The following NGF variants were observed in gnomAD, a reference collection of about 807,000 sequenced individuals.
NGF encodes nerve growth factor.
In NGF, 4 loss-of-function variants were observed where a neutral mutation model predicts 12.8. That is an observed-to-expected ratio of 0.31 (90% confidence interval 0.15 to 0.72). The LOEUF (loss-of-function observed/expected upper bound fraction) is 0.72. Ranked by LOEUF, NGF falls within the 30% of genes least tolerant of loss-of-function variation. The pLI, the probability that NGF is intolerant of heterozygous loss-of-function variation, is 0.69. For synonymous variants in NGF, 140 were observed against 130.0 expected (o/e 1.08, Z -0.52); for missense variants, 283 against 330.8 (o/e 0.86, Z 1.12).
intron 2 of NGF, among the ~76,000 whole-genome samples, chr1:115,289,724 A>G (rs1199909769): frequency 1.3e-5 from 2 of 151,978 alleles, no homozygotes; most frequent in African/African-American, 4.8e-5. Flanking sequence ...CACAGCTACC[A>G]TCTCTCTTGA....
rs115489401 is a variant in NGF, at chr1:115,307,506, C to T, written c.-136-13756G>A. Among the ~76,000 whole-genome samples, 1,037 of 152,312 alleles carry T rather than the reference C, an allele frequency of 6.8e-3. 12 individuals carry two copies. Among genetic ancestry groups the T allele is most frequent in the African/African-American group, 0.024 (1,002 of 41,562 alleles). ...AGGAGGAAGAAATCACTGCACAAAT[C>T]ACAAGCAGACTTACAGTACTCAGCT... On this transcript the variant is annotated intron_variant, in intron 1 of 2. Coordinates refer to ENST00000369512, the MANE Select transcript of NGF (RefSeq NM_002506.3).
At chr1:115,287,690 C>A (rs777462617) in intron 2 of NGF, among the ~76,000 whole-genome samples, 1 of 152,146 alleles carries the variant, frequency 6.6e-6, no homozygotes, top group Non-Finnish European at 1.5e-5. Context: ...AAGCTAGTGT[C>A]CTTCCATCCA....
intron 1 of NGF, among the ~76,000 whole-genome samples, chr1:115,303,446 C>T (rs1048157192): frequency 1.1e-4 from 17 of 151,986 alleles, no homozygotes; most frequent in African/African-American, 3.4e-4. Flanking sequence ...TCCTCCAACA[C>T]CATCATCACC....
At chr1:115,294,675 C>T (rs1653809409) in intron 1 of NGF, among the ~76,000 whole-genome samples, 1 of 152,208 alleles carries the variant, frequency 6.6e-6, no homozygotes, top group African/African-American at 2.4e-5. Flanking sequence ...CAGCGAGGAG[C>T]TCTGAGGAGA....
intron 1 of NGF, among the ~76,000 whole-genome samples, chr1:115,318,019 AG>A (rs1204689055): frequency 1.3e-5 from 2 of 152,010 alleles, no homozygotes; most frequent in East Asian, 3.9e-4. Flanking sequence ...CCTGTTCCAA[AG>A]GCTGCCCCCT....
chr1:115,293,300 T>A (rs946217993), intron 2 of NGF, among the ~76,000 whole-genome samples: 1 of 152,166 alleles, frequency 6.6e-6, no homozygotes, highest in Non-Finnish European at 1.5e-5. Context: ...GCAAGTTCCC[T>A]GCTCAGTCGG....
intron 1 of NGF, among the ~76,000 whole-genome samples, chr1:115,328,761 G>A (rs1654836418): frequency 6.6e-6 from 1 of 152,184 alleles, no homozygotes; most frequent in Non-Finnish European, 1.5e-5. Flanking sequence ...GGCCATGAAA[G>A]GCCATGCTAC....
chr1:115,318,523 C>G (rs2101046046), intron 1 of NGF, among the ~76,000 whole-genome samples: 1 of 152,298 alleles, frequency 6.6e-6, no homozygotes, highest in South Asian at 2.1e-4. Flanking sequence ...TGGGAGGGGG[C>G]AAAACTTCTC....
At chr1:115,306,487 G>T (rs1445203649) in intron 1 of NGF, among the ~76,000 whole-genome samples, 1 of 152,158 alleles carries the variant, frequency 6.6e-6, no homozygotes, top group Non-Finnish European at 1.5e-5. Flanking sequence ...CAAGACATTT[G>T]CTTTCATTTT....
chr1:115,319,413 G>A (rs988195718), intron 1 of NGF, among the ~76,000 whole-genome samples: 2 of 151,964 alleles, frequency 1.3e-5, no homozygotes, highest in Non-Finnish European at 2.9e-5. Flanking sequence ...ACATGTACTC[G>A]CACACACACA....
In NGF at chr1:115,286,116, G is replaced by T. The variant is rs1326012011; in HGVS notation, c.680C>A (p.Thr227Lys). 2 of 1,613,542 alleles carry T rather than the reference G, an allele frequency of 1.2e-6. No homozygotes were observed. The highest frequency in any genetic ancestry group is 1.7e-6 in the Non-Finnish European group (2 of 1,179,722). ...CCTGCTGAGCACACACACACAGGCCGTATCTATCCGGATAAACCGCCAGGC... is the reference window on the plus strand; with the variant it reads ...CCTGCTGAGCACACACACACAGGCCTTATCTATCCGGATAAACCGCCAGGC... ...QAAWRFIRID[T>K]ACVCVLSRKA... Residue 227 changes from threonine to lysine, a missense_variant, in exon 3 of 3, where the codon ACG becomes AAG. This residue lies in a region of NGF where 132 missense variants were observed against 189.2 expected (regional missense o/e 0.70). Coordinates refer to ENST00000369512, the MANE Select transcript of NGF (RefSeq NM_002506.3).
rs183898157 is a variant in NGF at position 115,335,685 on chromosome 1, T to C, written c.-137+2519A>G. Among the ~76,000 whole-genome samples the C allele has an allele frequency of 4.5e-4, 69 of 152,372 alleles. 1 individual carries two copies. Among genetic ancestry groups the C allele is most frequent in the Admixed American group, 4.2e-3 (65 of 15,310 alleles). ...CTCTAGACTCTGAAGTCAGTGAAAG[T>C]TCTTACTTGGAAAAGGTAAATGGCT... On this transcript the variant is annotated intron_variant, in intron 1 of 2. Coordinates refer to ENST00000369512, the MANE Select transcript of NGF (RefSeq NM_002506.3).
intron 1 of NGF, among the ~76,000 whole-genome samples, chr1:115,337,716 G>A (rs539350376): frequency 5.5e-4 from 84 of 152,172 alleles, no homozygotes; most frequent in African/African-American, 2.0e-3. Flanking sequence ...CCTACCTGGG[G>A]GCCGCGCAGC....
intron 1 of NGF, among the ~76,000 whole-genome samples, chr1:115,321,872 C>G (rs1654640951): frequency 6.6e-6 from 1 of 152,086 alleles, no homozygotes. Flanking sequence ...AGGTGTAAGT[C>G]TTAAATGTTC....
intron 1 of NGF, among the ~76,000 whole-genome samples, chr1:115,330,974 C>T (rs184131145): frequency 1.6e-4 from 25 of 152,174 alleles, no homozygotes; most frequent in African/African-American, 3.9e-4. Context: ...CCACAGGCCT[C>T]GGGGAGAAGC....
chr1:115,312,357 T>A (rs1189963534), intron 1 of NGF, among the ~76,000 whole-genome samples: 1 of 152,194 alleles, frequency 6.6e-6, no homozygotes, highest in Non-Finnish European at 1.5e-5. Context: ...GATGACCTAC[T>A]GTGTGTCCAA....
chr1:115,311,612 A>G (rs1654337218), intron 1 of NGF, among the ~76,000 whole-genome samples: 1 of 152,214 alleles, frequency 6.6e-6, no homozygotes. Flanking sequence ...ATCTGGCCCA[A>G]TATGCCAGTA....
intron 1 of NGF, among the ~76,000 whole-genome samples, chr1:115,302,060 G>A (rs1239486893): frequency 6.6e-6 from 1 of 152,210 alleles, no homozygotes; most frequent in Non-Finnish European, 1.5e-5. Flanking sequence ...CTGTCCCAGT[G>A]TAGGCACTTA....
intron 1 of NGF, among the ~76,000 whole-genome samples, chr1:115,309,385 G>T (rs1020354233): frequency 6.6e-6 from 1 of 152,076 alleles, no homozygotes; most frequent in Non-Finnish European, 1.5e-5. Flanking sequence ...TCTTTATACC[G>T]TTCTATATTT....
Sources: gnomAD v4.1 joint callset for allele counts (sites outside exome capture counted in the v4.1 genomes callset) on GRCh38, gnomAD v4.1.1 for gene constraint, gnomAD v4.1.1 regional missense constraint, MANE v1.5 for transcripts, NCBI Gene and HGNC (gene_info 2026-07-23, HGNC 2026-07-21) for gene names.